The following NECAB1 variants were observed in gnomAD, a reference collection of about 807,000 sequenced individuals.
NECAB1 encodes N-terminal EF-hand calcium binding protein 1, also known as N-terminal EF-hand calcium-binding protein 1.
A neutral mutation model predicts 57.5 loss-of-function variants in NECAB1; 29 were observed. The observed-to-expected ratio is 0.50, with a 90% CI of 0.38 to 0.69. NECAB1 has a LOEUF of 0.69. Among genes scored for constraint, NECAB1 ranks in the 30% least tolerant of loss-of-function variants. The pLI is 0.00. For synonymous variants in NECAB1, 142 were observed against 147.7 expected (o/e 0.96, Z 0.28); for missense variants, 372 against 413.8 (o/e 0.90, Z 0.88).
At chr8:90,826,001 CT>C (rs1173268363) in intron 3 of NECAB1, among the ~76,000 whole-genome samples, 1 of 151,770 alleles carries the variant, frequency 6.6e-6, no homozygotes, top group Non-Finnish European at 1.5e-5. Flanking sequence ...GTACAGGACA[CT>C]TTTGGACCAT....
At chr8:90,803,305 T>C (rs1811791703) in intron 2 of NECAB1, among the ~76,000 whole-genome samples, 1 of 152,164 alleles carries the variant, frequency 6.6e-6, no homozygotes, top group Non-Finnish European at 1.5e-5. Context: ...TGGTGTACAA[T>C]TGAATAGCCC....
intron 5 of NECAB1, among the ~76,000 whole-genome samples, chr8:90,895,806 A>G (rs1262649794): frequency 6.6e-6 from 1 of 152,216 alleles, no homozygotes; most frequent in African/African-American, 2.4e-5. Flanking sequence ...TATTCCATAG[A>G]GAAGTATTCT....
At chr8:90,814,027 T>C (rs927866798) in intron 2 of NECAB1, among the ~76,000 whole-genome samples, 2 of 152,236 alleles carry the variant, frequency 1.3e-5, no homozygotes, top group Non-Finnish European at 2.9e-5. Flanking sequence ...ATATTCTTTT[T>C]CTGTTCCAAG....
At chr8:90,804,136 T>C (rs940174920) in intron 2 of NECAB1, among the ~76,000 whole-genome samples, 18 of 152,176 alleles carry the variant, frequency 1.2e-4, no homozygotes, top group African/African-American at 4.1e-4. Flanking sequence ...AGATGCTCAA[T>C]AGACATTTGT....
At chr8:90,943,013 C>A (rs990526786) in intron 10 of NECAB1, among the ~76,000 whole-genome samples, 1 of 152,012 alleles carries the variant, frequency 6.6e-6, no homozygotes, top group African/African-American at 2.4e-5. Context: ...GTATTACAAT[C>A]TCCAGGGATT....
intron 2 of NECAB1, among the ~76,000 whole-genome samples, chr8:90,802,227 C>T (rs1329137918): frequency 6.6e-6 from 1 of 152,176 alleles, no homozygotes; most frequent in Admixed American, 6.5e-5. Flanking sequence ...TATCTCTACC[C>T]CATTGTTCCT....
chr8:90,896,862 C>T (rs1174996756), intron 5 of NECAB1, among the ~76,000 whole-genome samples: 1 of 151,950 alleles, frequency 6.6e-6, no homozygotes, highest in African/African-American at 2.4e-5. Flanking sequence ...TGCCCTGACT[C>T]CCGCCAAAGC....
chr8:90,948,981 A>G (rs1586151597), intron 10 of NECAB1, among the ~76,000 whole-genome samples: 1 of 152,226 alleles, frequency 6.6e-6, no homozygotes, highest in Non-Finnish European at 1.5e-5. Context: ...CCTTCAAAAC[A>G]TATTATGTAG....
At chr8:90,864,510 T>C (rs1808472311) in intron 3 of NECAB1, among the ~76,000 whole-genome samples, 1 of 152,114 alleles carries the variant, frequency 6.6e-6, no homozygotes. Flanking sequence ...CTTCTCTGTT[T>C]AAGTCAGCCT....
chr8:90,908,203 A>G (rs1809741184), intron 5 of NECAB1, among the ~76,000 whole-genome samples: 1 of 152,198 alleles, frequency 6.6e-6, no homozygotes, highest in Non-Finnish European at 1.5e-5. Flanking sequence ...TCCTTTGAGT[A>G]TCATTTATGT....
In NECAB1 at chr8:90,817,272, T is replaced by A. The variant is rs190617202; in HGVS notation, c.125-7445T>A. Among the ~76,000 whole-genome samples, 228 of 151,922 alleles carry A rather than the reference T, an allele frequency of 1.5e-3. 1 individual carries two copies. The highest frequency in any genetic ancestry group is 5.3e-3 in the African/African-American group (221 of 41,560). ...TCATCGTGAAGAAATACAATTTTGT[T>A]TCTACCTTCCCAATCTATATAATAT... is the stretch of plus-strand genomic sequence containing the variant. On this transcript the variant is annotated intron_variant, in intron 2 of 12. Transcript: ENST00000417640.
intron 3 of NECAB1, among the ~76,000 whole-genome samples, chr8:90,844,787 GTTC>G (rs57671361): frequency 0.32 from 48,939 of 151,816 alleles, 9,080 homozygotes; most frequent in East Asian, 0.73. Flanking sequence ...ACTGAGCTAC[GTTC>G]TTCTAAATCT....
chr8:90,821,580 T>A (rs1812144524), intron 2 of NECAB1, among the ~76,000 whole-genome samples: 1 of 151,800 alleles, frequency 6.6e-6, no homozygotes, highest in South Asian at 2.1e-4. Flanking sequence ...TCTTTAAAGA[T>A]CTTCCTTCAC....
At chr8:90,892,607 C>T (rs572548484) in intron 5 of NECAB1, among the ~76,000 whole-genome samples, 2 of 152,312 alleles carry the variant, frequency 1.3e-5, no homozygotes, top group Non-Finnish European at 2.9e-5. Context: ...TCAAGTCAGT[C>T]ACCTACTCCT....
At chr8:90,930,799 T>C (rs1357930555) in intron 8 of NECAB1, among the ~76,000 whole-genome samples, 1 of 152,232 alleles carries the variant, frequency 6.6e-6, no homozygotes, top group Non-Finnish European at 1.5e-5. Flanking sequence ...ATAGTGGCTA[T>C]GGAAATTAGT....
At chr8:90,886,751 T>C (rs1180059184) in intron 5 of NECAB1, among the ~76,000 whole-genome samples, 2 of 152,092 alleles carry the variant, frequency 1.3e-5, no homozygotes, top group African/African-American at 4.8e-5. Context: ...TTTATAATTG[T>C]TTTTTTCAAT....
chr8:90,803,250 T>C (rs1811791161), intron 2 of NECAB1, among the ~76,000 whole-genome samples: 1 of 152,170 alleles, frequency 6.6e-6, no homozygotes. Context: ...TGTCTTCTCA[T>C]CTCATCCTTT....
chr8:90,906,649 T>C (rs1456809283), intron 5 of NECAB1, among the ~76,000 whole-genome samples: 1 of 151,968 alleles, frequency 6.6e-6, no homozygotes, highest in African/African-American at 2.4e-5. Context: ...CACTTTACCT[T>C]TTATAGTGCA....
chr8:90,901,907 G>A (rs1809512864), intron 5 of NECAB1, among the ~76,000 whole-genome samples: 1 of 152,082 alleles, frequency 6.6e-6, no homozygotes, highest in South Asian at 2.1e-4. Context: ...ATTTGTGTGT[G>A]TGTGTGTGTG....
Sources: gnomAD v4.1 joint callset for allele counts (sites outside exome capture counted in the v4.1 genomes callset) on GRCh38, gnomAD v4.1.1 for gene constraint, MANE v1.5 for transcripts, NCBI Gene and HGNC (gene_info 2026-07-23, HGNC 2026-07-21) for gene names.